SLC4A7: variants seen among roughly 807,000 people sequenced by gnomAD.
SLC4A7 encodes the protein solute carrier family 4 member 7, also known as sodium bicarbonate cotransporter 3.
In SLC4A7, 51 loss-of-function variants were observed where a neutral mutation model predicts 137.6. The ratio of observed to expected loss-of-function variants is 0.37; its 90% CI spans 0.30 to 0.47. The LOEUF (loss-of-function observed/expected upper bound fraction) is 0.47, where lower values mean the gene tolerates loss of function less well. Among genes scored for constraint, SLC4A7 ranks in the 20% least tolerant of loss-of-function variants. The pLI is 1.00. For synonymous variants in SLC4A7, 542 were observed against 518.6 expected (o/e 1.05, Z -0.61); for missense variants, 1,247 against 1,525.4 (o/e 0.82, Z 3.04).
At chr3:27,453,538 G>A (rs912518301) in intron 1 of SLC4A7, among the ~76,000 whole-genome samples, 7 of 152,264 alleles carry the variant, frequency 4.6e-5, no homozygotes, top group Middle Eastern at 3.4e-3. Flanking sequence ...ACTTGAACCC[G>A]GGAGGCAGAG....
chr3:27,397,538 A>G (rs556364267), intron 18 of SLC4A7, 146 bp downstream of exon 18: 3 of 590,756 alleles, frequency 5.1e-6, no homozygotes, highest in Non-Finnish European at 8.9e-6. Context: ...CATATGAAAA[A>G]CACATATAAA....
chr3:27,482,687 G>A (rs2059765202), intron 1 of SLC4A7, among the ~76,000 whole-genome samples: 1 of 152,062 alleles, frequency 6.6e-6, no homozygotes, highest in African/African-American at 2.4e-5. Context: ...CGGGAGAATC[G>A]GTTGAACCTG....
chr3:27,445,978 A>G (rs1474212738), intron 3 of SLC4A7, among the ~76,000 whole-genome samples: 4 of 130,464 alleles, frequency 3.1e-5, no homozygotes, highest in African/African-American at 1.1e-4. Flanking sequence ...ATATATATAT[A>G]TATATATATA....
chr3:27,445,333 A>G (rs1219677984), intron 3 of SLC4A7, among the ~76,000 whole-genome samples: 1 of 151,806 alleles, frequency 6.6e-6, no homozygotes, highest in Non-Finnish European at 1.5e-5. Flanking sequence ...CCAAATTCCA[A>G]TCTATGCTCC....
At chr3:27,459,076 C>T (rs2058559558) in intron 1 of SLC4A7, among the ~76,000 whole-genome samples, 1 of 152,126 alleles carries the variant, frequency 6.6e-6, no homozygotes, top group South Asian at 2.1e-4. Context: ...GCCCTCCCCA[C>T]CAGTACTTAA....
chr3:27,437,419 C>T lies in SLC4A7; in HGVS notation c.397G>A (p.Gly133Arg). Reference protein sequence around the residue: ...TEMDELCYRDGEEYEWKETAR... With the variant: ...TEMDELCYRDREEYEWKETAR... The stretch of plus-strand genomic sequence containing the variant: ...GTTTCTTTCCATTCATATTCTTCTC[C>T]ATCTCTGTAACACAGTTCATCCATT... The change falls in exon 4 of 26, where the codon GGA becomes AGA. Residue 133 changes from glycine (G) to arginine (R), a missense_variant. This residue lies in a region of SLC4A7 where 176 missense variants were observed against 186.4 expected (regional missense o/e 0.94). Transcript: ENST00000454389. 1 of 1,594,046 alleles carries T rather than the reference C, an allele frequency of 6.3e-7. No homozygotes were observed. Among genetic ancestry groups the T allele is most frequent in the Non-Finnish European group, 8.5e-7 (1 of 1,170,780 alleles).
At position 27,396,612 on chromosome 3, in the gene SLC4A7, A is replaced by G. The variant is rs2052196075; in HGVS notation, c.2703+1072T>C. Among the ~76,000 whole-genome samples, 3 of 152,066 alleles carry G rather than the reference A, an allele frequency of 2.0e-5. No individual in the cohort carries two copies. The South Asian group carries it at 6.2e-4, about 31-fold the overall frequency. On this transcript the variant is annotated intron_variant, in intron 18 of 25. Transcript: ENST00000454389. The stretch of plus-strand genomic sequence containing the variant: ...AAAGACCACTGATTTTAAAAATAAC[A>G]TTTTGGTCTCAGTGCAATATTATAA...
chr3:27,431,144 A>G (rs563098804), intron 7 of SLC4A7, among the ~76,000 whole-genome samples, 154 bp downstream of exon 7: 1 of 152,282 alleles, frequency 6.6e-6, no homozygotes, highest in African/African-American at 2.4e-5. Flanking sequence ...CCAACCTAAC[A>G]CAATCTATCA....
At chr3:27,400,617 G>T in intron 16 of SLC4A7, 147 bp downstream of exon 16, 1 of 549,396 alleles carries the variant, frequency 1.8e-6, no homozygotes, top group Non-Finnish European at 3.2e-6. Context: ...TAAAAAAGTA[G>T]CAACTGCTAT....
intron 7 of SLC4A7, among the ~76,000 whole-genome samples, chr3:27,428,743 C>A (rs1176555561): frequency 6.6e-6 from 1 of 152,114 alleles, no homozygotes; most frequent in African/African-American, 2.4e-5. Context: ...GGCTAATAAC[C>A]AAGCTACCCA....
intron 13 of SLC4A7, among the ~76,000 whole-genome samples, chr3:27,405,523 T>C (rs1329869877): frequency 6.6e-6 from 1 of 152,228 alleles, no homozygotes; most frequent in Non-Finnish European, 1.5e-5. Flanking sequence ...TGTATTATTT[T>C]GAATACTTTT....
At chr3:27,461,298 T>C (rs1314979578) in intron 1 of SLC4A7, among the ~76,000 whole-genome samples, 1 of 151,766 alleles carries the variant, frequency 6.6e-6, no homozygotes, top group East Asian at 1.9e-4. Flanking sequence ...CTTGGGAGAC[T>C]GTGGCAGGGA....
intron 1 of SLC4A7, among the ~76,000 whole-genome samples, chr3:27,455,403 T>C (rs2058339854): frequency 6.6e-6 from 1 of 152,154 alleles, no homozygotes; most frequent in Non-Finnish European, 1.5e-5. Flanking sequence ...TTATTTGTAT[T>C]AAGTAAAAAG....
chr3:27,426,635 G>A (rs2055658151), intron 7 of SLC4A7, among the ~76,000 whole-genome samples: 1 of 152,186 alleles, frequency 6.6e-6, no homozygotes, highest in African/African-American at 2.4e-5. Context: ...TGCCAGCAAT[G>A]AGAAGAAGAA....
intron 15 of SLC4A7, among the ~76,000 whole-genome samples, chr3:27,402,517 T>G (rs539116864): frequency 1.3e-5 from 2 of 152,092 alleles, no homozygotes; most frequent in African/African-American, 4.8e-5. Context: ...CTGGCCAACA[T>G]GGCGAAACTC....
intron 1 of SLC4A7, among the ~76,000 whole-genome samples, chr3:27,472,935 C>T (rs1319141746): frequency 6.6e-6 from 1 of 152,116 alleles, no homozygotes; most frequent in Non-Finnish European, 1.5e-5. Flanking sequence ...CAAAAATAAG[C>T]TGGGCGTGGT....
chr3:27,415,009 G>C (rs899030452), intron 11 of SLC4A7, among the ~76,000 whole-genome samples: 1 of 152,140 alleles, frequency 6.6e-6, no homozygotes, highest in African/African-American at 2.4e-5. Flanking sequence ...TGTAATCCTT[G>C]CAGACTTTCA....
At chr3:27,431,171 T>A (rs1452341403) in intron 7 of SLC4A7, 127 bp downstream of exon 7, 1 of 1,007,364 alleles carries the variant, frequency 9.9e-7, no homozygotes, top group Admixed American at 3.0e-5. Flanking sequence ...AAAAAAAACA[T>A]GCAGAAGTCA....
At chr3:27,440,494 G>T (rs561546016) in intron 3 of SLC4A7, among the ~76,000 whole-genome samples, 1 of 151,752 alleles carries the variant, frequency 6.6e-6, no homozygotes, top group African/African-American at 2.4e-5. Context: ...TTGGGAGGCC[G>T]AGGCAGGTGG....
Sources: allele counts gnomAD v4.1 joint callset (sites outside exome capture counted in the v4.1 genomes callset), GRCh38; gene constraint gnomAD v4.1.1; regional missense constraint gnomAD v4.1.1; transcripts MANE v1.5; gene names NCBI Gene and HGNC (gene_info 2026-07-23, HGNC 2026-07-21).